CSGALNACT1: variants seen among roughly 807,000 people sequenced by gnomAD.
CSGALNACT1 encodes the protein beta4GalNAcT-1.
A neutral mutation model predicts 51.0 loss-of-function variants in CSGALNACT1; 52 were observed. The ratio of observed to expected loss-of-function variants is 1.02; its 90% confidence interval spans 0.82 to 1.29. The LOEUF is 1.29. CSGALNACT1 is among the 50% of genes most tolerant of loss of function. The pLI is 0.00. For missense variants in CSGALNACT1, 935 were observed against 679.2 expected (o/e 1.38, Z -4.19); for synonymous variants, 341 against 254.4 (o/e 1.34, Z -3.24).
intron 1 of CSGALNACT1, among the ~76,000 whole-genome samples, chr8:19,624,200 T>C (rs756054896): frequency 5.9e-5 from 9 of 152,196 alleles, no homozygotes; most frequent in Non-Finnish European, 8.8e-5. Flanking sequence ...CTACCTCTGG[T>C]TCCTGATAGC....
At chr8:19,753,295 T>C (rs1011891545) in intron 1 of CSGALNACT1, among the ~76,000 whole-genome samples, 8 of 152,090 alleles carry the variant, frequency 5.3e-5, no homozygotes, top group African/African-American at 1.7e-4. Context: ...ACAACCTTCA[T>C]CCAAAAGTTA....
chr8:19,548,362 C>T (rs1000740511), intron 3 of CSGALNACT1, among the ~76,000 whole-genome samples: 3 of 152,128 alleles, frequency 2.0e-5, no homozygotes, highest in Non-Finnish European at 2.9e-5. Context: ...AAATATCAAA[C>T]CAACCATGAC....
At chr8:19,662,657 G>A (rs1281189937) in intron 1 of CSGALNACT1, among the ~76,000 whole-genome samples, 4 of 152,154 alleles carry the variant, frequency 2.6e-5, no homozygotes, top group Admixed American at 2.6e-4. Flanking sequence ...AAACATCTGT[G>A]CCTGCTAAGT....
intron 1 of CSGALNACT1, among the ~76,000 whole-genome samples, chr8:19,665,660 TG>T (rs765151288): frequency 2.4e-4 from 37 of 152,264 alleles, no homozygotes; most frequent in Middle Eastern, 6.8e-3. Flanking sequence ...GCACAGAACT[TG>T]GTTCTGCGAC....
At chr8:19,739,421 T>C (rs2064176145) in intron 1 of CSGALNACT1, among the ~76,000 whole-genome samples, 1 of 152,146 alleles carries the variant, frequency 6.6e-6, no homozygotes, top group Non-Finnish European at 1.5e-5. Context: ...CTCTTCTCTC[T>C]GGGTTTGAAA....
chr8:19,577,545 C>T (rs2044541482), intron 3 of CSGALNACT1, among the ~76,000 whole-genome samples: 1 of 132,968 alleles, frequency 7.5e-6, no homozygotes, highest in South Asian at 2.6e-4. Flanking sequence ...TCAGTGACAG[C>T]AAGACCCTAT....
At position 19,439,819 on chromosome 8, in the gene CSGALNACT1, A is replaced by G. The variant is rs745335611; in HGVS notation, c.953+11T>C. ...CCAGGATTCCTTATGACAGCTCCGT[A>G]TTGTACTCACTTGGAAGTGTTTTCA... On this transcript the variant is annotated intron_variant, in intron 6 of 9. Coordinates refer to ENST00000454498, the Ensembl canonical transcript of CSGALNACT1. The G allele has an allele frequency of 5.1e-5, 81 of 1,600,106 alleles. No individual in the cohort carries two copies. The Admixed American group carries it at 1.4e-3, about 27-fold the overall frequency.
At chr8:19,564,214 G>A (rs913047730) in intron 3 of CSGALNACT1, among the ~76,000 whole-genome samples, 20 of 152,072 alleles carry the variant, frequency 1.3e-4, no homozygotes, top group African/African-American at 3.9e-4. Context: ...AAGACAACCC[G>A]TTGATTTTCA....
chr8:19,416,213 T>C (rs1276036586), intron 8 of CSGALNACT1, among the ~76,000 whole-genome samples: 1 of 150,592 alleles, frequency 6.6e-6, no homozygotes, highest in Non-Finnish European at 1.5e-5. Flanking sequence ...CTCCCGGGTT[T>C]AAGTGATTCT....
intron 1 of CSGALNACT1, among the ~76,000 whole-genome samples, chr8:19,629,577 A>G (rs772002365): frequency 6.6e-6 from 1 of 152,216 alleles, no homozygotes; most frequent in Non-Finnish European, 1.5e-5. Flanking sequence ...TATTTCCATT[A>G]TGTTATATAC....
In CSGALNACT1 at chr8:19,654,502, C is replaced by T. The variant is rs532314874; in HGVS notation, c.-544+27971G>A. Reference sequence around the variant, plus strand: ...GATAAATTATGTTTTCCTTGGTTTCCCCATGTTTAAAATGAGGATGTTGTA... The same window carrying T: ...GATAAATTATGTTTTCCTTGGTTTCTCCATGTTTAAAATGAGGATGTTGTA... On this transcript the variant is annotated intron_variant, in intron 1 of 9. Coordinates refer to the CSGALNACT1 transcript ENST00000332246. Among the ~76,000 whole-genome samples, 3 of 152,116 alleles carry T rather than the reference C, an allele frequency of 2.0e-5. No individual in the cohort carries two copies. The East Asian group carries it at 5.8e-4, about 29-fold the overall frequency.
At chr8:19,683,660 A>C (rs1055747646), upstream of CSGALNACT1, among the ~76,000 whole-genome samples, 2 of 152,214 alleles carry the variant, frequency 1.3e-5, no homozygotes, top group Non-Finnish European at 2.9e-5. Flanking sequence ...CCTGGAAAGT[A>C]ATTTATTATA....
intron 4 of CSGALNACT1, among the ~76,000 whole-genome samples, chr8:19,498,751 C>G (rs187712263): frequency 1.3e-5 from 2 of 152,320 alleles, no homozygotes; most frequent in African/African-American, 2.4e-5. Flanking sequence ...CATAACATCA[C>G]AAATTTTCTC....
chr8:19,728,067 G>C (rs540195096), intron 1 of CSGALNACT1, among the ~76,000 whole-genome samples: 2 of 152,212 alleles, frequency 1.3e-5, no homozygotes, highest in East Asian at 3.9e-4. Context: ...CCACACTCAG[G>C]GACCAGGCTG....
chr8:19,601,389 A>G (rs1186687344), intron 2 of CSGALNACT1, among the ~76,000 whole-genome samples: 2 of 152,212 alleles, frequency 1.3e-5, no homozygotes, highest in African/African-American at 2.4e-5. Flanking sequence ...CTATTTTAAA[A>G]AGCTCAGTAT....
In CSGALNACT1 at chr8:19,665,203, G is replaced by C. The variant is rs68192741; in HGVS notation, c.-544+17270C>G. Among the ~76,000 whole-genome samples, 84 of 151,906 alleles carry C rather than the reference G, an allele frequency of 5.5e-4. 1 individual carries two copies. In the East Asian group the frequency reaches 0.016, roughly 28 times the overall value. On this transcript the variant is annotated intron_variant, in intron 1 of 9. Transcript: ENST00000332246. ...TAATTTTTGTATTTTTAGTGCAGACGGTGTCGTACCCCTTAAATTTATACA... is the reference window on the plus strand; with the variant it reads ...TAATTTTTGTATTTTTAGTGCAGACCGTGTCGTACCCCTTAAATTTATACA...
intron 3 of CSGALNACT1, among the ~76,000 whole-genome samples, chr8:19,525,615 CAA>C (rs34787475): frequency 0.063 from 1,232 of 19,570 alleles, 3 homozygotes; most frequent in Non-Finnish European, 0.083. Flanking sequence ...AAACTTGTCC[CAA>C]AAAAAAAAAA....
intron 9 of CSGALNACT1, 62 bp downstream of exon 8, chr8:19,408,551 C>G: frequency 8.8e-7 from 1 of 1,134,070 alleles, no homozygotes. Flanking sequence ...CTACTTGATT[C>G]CTTCAAGGCC....
At position 19,699,822 on chromosome 8, in the gene CSGALNACT1, A is replaced by T. The variant is rs377404943; in HGVS notation, c.-297+58028T>A. Among the ~76,000 whole-genome samples the T allele has an allele frequency of 2.4e-4, 37 of 152,204 alleles. 2 individuals are homozygous for T. The highest frequency in any genetic ancestry group is 8.9e-4 in the African/African-American group (37 of 41,536). The stretch of plus-strand genomic sequence containing the variant: ...TGTATTTCATCAAAATTTTTAAAAG[A>T]ACTTAGGGGCTGGGCACGGTGGCTC... On this transcript the variant is annotated intron_variant, in intron 1 of 1. Transcript: ENST00000517494.
Sources: allele counts gnomAD v4.1 joint callset (sites outside exome capture counted in the v4.1 genomes callset), GRCh38; gene constraint gnomAD v4.1.1; transcripts MANE v1.5; gene names NCBI Gene and HGNC (gene_info 2026-07-23, HGNC 2026-07-21).